PHKG1: variants seen among roughly 807,000 people sequenced by gnomAD.
The protein encoded by PHKG1 is phosphorylase b kinase gamma catalytic chain, skeletal muscle/heart isoform.
In PHKG1, 48 loss-of-function variants were observed where a neutral mutation model predicts 50.5. The observed-to-expected ratio is 0.95, with a 90% CI of 0.75 to 1.21. The LOEUF is 1.21. PHKG1 is among the 50% of genes most tolerant of loss of function. PHKG1 has a pLI of 0.00. For synonymous variants in PHKG1, 204 were observed against 212.8 expected, an observed-to-expected ratio of 0.96 and a Z score of 0.36; for missense variants, 487 against 519.5, an observed-to-expected ratio of 0.94 and a Z score of 0.61.
At chr7:56,092,471 C>A (rs1245519006) in intron 1 of PHKG1, among the ~76,000 whole-genome samples, 1 of 152,116 alleles carries the variant, frequency 6.6e-6, no homozygotes. Context: ...TGGGGTTTCA[C>A]CATGTTGGCC....
intron 1 of PHKG1, among the ~76,000 whole-genome samples, chr7:56,092,376 G>A (rs1453167720): frequency 1.3e-5 from 2 of 152,120 alleles, no homozygotes; most frequent in Non-Finnish European, 2.9e-5. Flanking sequence ...GGGTTCAAGC[G>A]ATTCTCTTGC....
intron 5 of PHKG1, 98 bp from the exon 6 acceptor site, chr7:56,083,539 GCA>G: frequency 1.3e-6 from 2 of 1,521,260 alleles, no homozygotes; most frequent in Non-Finnish European, 1.8e-6. Flanking sequence ...CAAGGGAGCA[GCA>G]CACACGCCCA....
At chr7:56,087,862 C>T in intron 2 of PHKG1, 86 bp from the exon 3 acceptor site, 1 of 1,063,874 alleles carries the variant, frequency 9.4e-7, no homozygotes, top group South Asian at 1.4e-5. Context: ...AGATGTCCTG[C>T]CCTTGACAGA....
chr7:56,082,257 C>G lies in PHKG1; in HGVS notation c.548-4G>C. 1 of 1,611,198 alleles carries G rather than the reference C, an allele frequency of 6.2e-7. No homozygotes were observed. The highest frequency in any genetic ancestry group is 8.5e-7 in the Non-Finnish European group (1 of 1,178,606). ...TAACTGGGGGTCCCGCAGACCTCTG[C>G]AGGAACAGTCATCATCAGGGCAGGT... is the stretch of plus-strand genomic sequence containing the variant. On this transcript the variant is annotated splice_polypyrimidine_tract_variant and splice_region_variant and intron_variant, in intron 6 of 9. Coordinates refer to ENST00000297373, the MANE Select transcript of PHKG1 (RefSeq NM_006213.5).
intron 4 of PHKG1, among the ~76,000 whole-genome samples, chr7:56,085,469 G>A (rs749397699): frequency 3.3e-5 from 5 of 152,148 alleles, no homozygotes; most frequent in African/African-American, 4.8e-5. Flanking sequence ...GAAATAAGGG[G>A]CTCATCTTAC....
rs150151056 is a variant in PHKG1 at position 56,081,132 on chromosome 7, C to G, written c.1086G>C (p.Gly362=). The part of the protein sequence containing the change: ...FRIYGHWVKK[G]QQQNRAALFE... ...AAAGGGCTGCCCGGTTCTGCTGCTG[C>G]CCCTTCTTCACCCAGTGGCCATAGA... The change falls in exon 10 of 10, where the codon GGG becomes GGC. Residue 362 remains glycine, a synonymous_variant. Transcript: ENST00000297373. The surrounding 1 kb of genome is among the most constrained non-coding windows in gnomAD (Gnocchi z 4.6). 2,619 of 1,613,830 alleles carry G rather than the reference C, an allele frequency of 1.6e-3. 6 individuals are homozygous for G. Among genetic ancestry groups the G allele is most frequent in the Middle Eastern group, 5.2e-3 (31 of 5,972 alleles).
chr7:56,092,386 C>T (rs2117613484), intron 1 of PHKG1, among the ~76,000 whole-genome samples: 1 of 152,316 alleles, frequency 6.6e-6, no homozygotes, highest in African/African-American at 2.4e-5. Flanking sequence ...GATTCTCTTG[C>T]CTCAGCCTCC....
Position 56,083,456 on chromosome 7 carries a change from A to G in PHKG1, c.384-15T>C. On this transcript the variant is annotated splice_polypyrimidine_tract_variant and intron_variant, in intron 5 of 9. Coordinates refer to ENST00000297373, the MANE Select transcript of PHKG1 (RefSeq NM_006213.5). ...GCATGATCTTTCTAGGGTGGGGCAC[A>G]CACTTGTTACTCTTCCTCTGCTCAG... 6.2e-7 allele frequency: 1 copy of G among 1,613,440 alleles called. No homozygotes were observed.
At position 56,083,446 on chromosome 7, in the gene PHKG1, G is replaced by A. The variant is rs959217733; in HGVS notation, c.384-5C>T. 2.8e-5 allele frequency: 45 copies of A among 1,613,826 alleles called. No individual in the cohort carries two copies. The highest frequency in any genetic ancestry group is 3.8e-5 in the Non-Finnish European group (45 of 1,179,880). On this transcript the variant is annotated splice_polypyrimidine_tract_variant and splice_region_variant and intron_variant, in intron 5 of 9. Transcript: ENST00000297373. Reference sequence around the variant, plus strand: ...AGCAGAGCTCGCATGATCTTTCTAGGGTGGGGCACACACTTGTTACTCTTC... The same window carrying A: ...AGCAGAGCTCGCATGATCTTTCTAGAGTGGGGCACACACTTGTTACTCTTC...
intron 4 of PHKG1, chr7:56,084,380 T>TC: frequency 1.8e-6 from 1 of 569,296 alleles, no homozygotes; most frequent in East Asian, 3.1e-5. Flanking sequence ...ATTTTTTTTT[T>TC]TTTTTTTTTT....
In PHKG1 at chr7:56,082,043, C is replaced by T. The variant is rs375438215; in HGVS notation, c.642G>A (p.Trp214Ter). ...HPGYGKEVDM[W>*]STGVIMYTLL... ...GCGTGTACATGATGACGCCAGTGCT[C>T]CACCTGGACATGCGAGGGCCCAGGG... Residue 214 changes from tryptophan (W) to a stop codon, truncating the protein, a stop_gained, in exon 8 of 10, where the codon TGG (tryptophan) becomes TGA (stop). Coordinates refer to ENST00000297373, the MANE Select transcript of PHKG1 (RefSeq NM_006213.5). LOFTEE classifies it high-confidence loss of function. 1.2e-6 allele frequency: 2 copies of T among 1,612,358 alleles called. No individual in the cohort carries two copies. The highest frequency in any genetic ancestry group is 2.7e-5 in the African/African-American group (2 of 74,926).
At position 56,081,533 on chromosome 7, in the gene PHKG1, T is replaced by A; in HGVS notation, c.918+97A>T. On this transcript the variant is annotated intron_variant, in intron 9 of 9. Transcript: ENST00000297373. This position sits in a 1 kb window ranked among gnomAD's most constrained non-coding sequence, Gnocchi z 4.6. ...CAGCTGGGAGGGGAGGGATGGGTAC[T>A]CTGGAAATTCACGGGGTGTAAGGAC... The A allele has an allele frequency of 2.8e-6, 4 of 1,431,130 alleles. No individual in the cohort carries two copies. The African/African-American group carries it at 5.6e-5, about 20-fold the overall frequency. 88.7% of individuals were successfully genotyped at this position (1,431,130 alleles called of 1,614,324 possible). A position where few individuals can be genotyped will look rare whatever the true frequency, so the allele number is the denominator to read the frequency against.
Position 56,080,923 on chromosome 7 carries a change from G to C in PHKG1, c.*131C>G. Reference sequence around the variant, plus strand: ...CCTTTGAGAGGGGATCGTGGCCTCAGTTCCAGGGGTTCCTGGCCAGGGCCA... The same window carrying C: ...CCTTTGAGAGGGGATCGTGGCCTCACTTCCAGGGGTTCCTGGCCAGGGCCA... On this transcript the variant is annotated 3_prime_UTR_variant, in exon 10 of 10. Coordinates refer to ENST00000297373, the MANE Select transcript of PHKG1 (RefSeq NM_006213.5). 2 of 1,093,984 alleles carry C rather than the reference G, an allele frequency of 1.8e-6. No individual in the cohort carries two copies. The highest frequency in any genetic ancestry group is 2.6e-6 in the Non-Finnish European group (2 of 772,110). 67.8% of individuals were successfully genotyped at this position (1,093,984 alleles called of 1,614,324 possible).
At chr7:56,083,198 A>T in intron 6 of PHKG1, 80 bp downstream of exon 6, 3 of 1,294,936 alleles carry the variant, frequency 2.3e-6, no homozygotes, top group Non-Finnish European at 3.3e-6. Flanking sequence ...GTTAGGGGAG[A>T]AACCCAGACC....
intron 4 of PHKG1, chr7:56,084,176 G>C (rs1378020322): frequency 1.3e-6 from 2 of 1,533,792 alleles, no homozygotes; most frequent in African/African-American, 2.7e-5. Context: ...CCTGAAGTTG[G>C]TGGACTTGGG....
At chr7:56,086,054 C>T (rs761626031) in intron 4 of PHKG1, among the ~76,000 whole-genome samples, 3 of 151,664 alleles carry the variant, frequency 2.0e-5, no homozygotes, top group Non-Finnish European at 4.4e-5. Context: ...GGCTAAAATG[C>T]CTGCAGGACC....
chr7:56,092,947 T>C lies in PHKG1; in HGVS notation c.-146A>G, dbSNP rs867507116. ...GTCCCGAGCAGACACTTGGAAGATA[T>C]CATCTGCTGTTGTTTTGGGTTTTGC... On this transcript the variant is annotated 5_prime_UTR_variant, in exon 1 of 10. Transcript: ENST00000297373. 1 of 152,176 alleles carries C rather than the reference T, an allele frequency of 6.6e-6. No homozygotes were observed. The highest frequency in any genetic ancestry group is 1.5e-5 in the Non-Finnish European group (1 of 68,046). 9.4% of individuals were successfully genotyped at this position (152,176 alleles called of 1,614,324 possible).
chr7:56,083,241 C>A, intron 6 of PHKG1, 37 bp downstream of exon 6: 2 of 1,605,538 alleles, frequency 1.2e-6, no homozygotes, highest in South Asian at 1.1e-5. Flanking sequence ...ATTGAGCACC[C>A]GAGGCCTGGA....
chr7:56,086,454 C>G (rs767932316), intron 4 of PHKG1, among the ~76,000 whole-genome samples: 1 of 152,028 alleles, frequency 6.6e-6, no homozygotes. Flanking sequence ...GGGAGAATCA[C>G]GTGAGGCCAA....
Sources: gnomAD v4.1 joint callset for allele counts (sites outside exome capture counted in the v4.1 genomes callset) on GRCh38, gnomAD v4.1.1 for gene constraint, Gnocchi (gnomAD v3.1) non-coding constraint, MANE v1.5 for transcripts, NCBI Gene and HGNC (gene_info 2026-07-23, HGNC 2026-07-21) for gene names.